Variants in ANO1 observed in about 807,000 individuals in gnomAD.
ANO1 encodes the protein anoctamin-1.
Under a neutral mutation model 124.0 loss-of-function variants are expected in ANO1, and 59 were observed. That is an observed-to-expected ratio of 0.48 (90% confidence interval 0.39 to 0.59). The LOEUF (loss-of-function observed/expected upper bound fraction) is 0.59. ANO1 is among the 20% of genes least tolerant of loss of function. The pLI is 0.00. For synonymous variants in ANO1, 529 were observed against 532.0 expected (o/e 0.99, Z 0.08); for missense variants, 1,059 against 1,328.0 (o/e 0.80, Z 3.15).
intron 1 of ANO1, among the ~76,000 whole-genome samples, chr11:70,010,141 G>A (rs1413344648): frequency 1.9e-5 from 1 of 51,368 alleles, no homozygotes; most frequent in Non-Finnish European, 4.0e-5. Context: ...CATGGTGTGT[G>A]TGTGTGTGTG....
chr11:70,009,984 C>T (rs1157920636), intron 1 of ANO1, among the ~76,000 whole-genome samples: 1 of 151,910 alleles, frequency 6.6e-6, no homozygotes, highest in African/African-American at 2.4e-5. Flanking sequence ...TTTGCATCCT[C>T]ATAGTTTAGC....
upstream of ANO1, among the ~76,000 whole-genome samples, chr11:70,074,331 C>T (rs529476844): frequency 1.3e-5 from 2 of 152,308 alleles, no homozygotes; most frequent in African/African-American, 2.4e-5. Context: ...TCAGTGCACC[C>T]GGGCTGTGTG....
chr11:70,099,705 G>C (rs2515289), intron 2 of ANO1, among the ~76,000 whole-genome samples: 1 of 151,994 alleles, frequency 6.6e-6, no homozygotes, highest in Non-Finnish European at 1.5e-5. Flanking sequence ...GTCTGTGCTT[G>C]CACAGGCAGG....
At chr11:69,971,960 C>A in the ANO1 span, among the ~76,000 whole-genome samples, 16 of 152,180 alleles carry the variant, frequency 1.1e-4, no homozygotes, top group Middle Eastern at 3.4e-3. Context: ...GTGGCTCACA[C>A]CTGTAATCTC....
At chr11:69,976,572 T>A in the ANO1 span, among the ~76,000 whole-genome samples, 1 of 119,788 alleles carries the variant, frequency 8.3e-6, no homozygotes, top group Non-Finnish European at 1.7e-5. Context: ...AGAGAGAGAT[T>A]AGGACACACA....
At chr11:70,160,545 G>T (rs1448408070) in intron 16 of ANO1, among the ~76,000 whole-genome samples, 1 of 152,182 alleles carries the variant, frequency 6.6e-6, no homozygotes, top group African/African-American at 2.4e-5. Flanking sequence ...AGCTAGAAGG[G>T]TGCTGCTGGC....
intron 22 of ANO1, among the ~76,000 whole-genome samples, chr11:70,175,822 G>A (rs550303898): frequency 6.6e-6 from 1 of 152,108 alleles, no homozygotes; most frequent in Non-Finnish European, 1.5e-5. Flanking sequence ...TAAAAATGAG[G>A]CAATTTTCCC....
At chr11:70,062,951 A>G (rs1399882937) in intron 1 of ANO1, among the ~76,000 whole-genome samples, 1 of 152,040 alleles carries the variant, frequency 6.6e-6, no homozygotes, top group Admixed American at 6.6e-5. Flanking sequence ...GTTGTTTGAG[A>G]CAGAGTCTCA....
intron 1 of ANO1, among the ~76,000 whole-genome samples, chr11:69,994,988 A>C (rs1418365293): frequency 6.6e-6 from 1 of 152,222 alleles, no homozygotes; most frequent in African/African-American, 2.4e-5. Context: ...ATTATTGCAA[A>C]GATAGTACAG....
chr11:70,138,445 G>A (rs1391528133), intron 11 of ANO1, among the ~76,000 whole-genome samples: 3 of 150,438 alleles, frequency 2.0e-5, no homozygotes, highest in African/African-American at 4.9e-5. Flanking sequence ...GGCAGAGGTC[G>A]CAGTGAGCCA....
intron 1 of ANO1, among the ~76,000 whole-genome samples, chr11:69,991,398 C>T (rs782253701): frequency 6.6e-6 from 1 of 152,128 alleles, no homozygotes; most frequent in Non-Finnish European, 1.5e-5. Flanking sequence ...ACCCCAAGCC[C>T]AGAGACAGAT....
At chr11:69,976,933 C>T in the ANO1 span, among the ~76,000 whole-genome samples, 1 of 152,178 alleles carries the variant, frequency 6.6e-6, no homozygotes, top group South Asian at 2.1e-4. Flanking sequence ...TGTTCATCCC[C>T]CCGGGAGATG....
intron 2 of ANO1, among the ~76,000 whole-genome samples, chr11:70,102,377 G>A (rs1001331060): frequency 1.3e-5 from 2 of 152,220 alleles, no homozygotes; most frequent in African/African-American, 2.4e-5. Context: ...CCAGCGCTCG[G>A]TGACTCTCTG....
chr11:70,172,132 A>AAG lies in ANO1; in HGVS notation c.2350+1094_2350+1095insGA, dbSNP rs1555052148. Among the ~76,000 whole-genome samples, 93 of 141,662 alleles carry AAG rather than the reference A, an allele frequency of 6.6e-4. 1 individual carries two copies. The highest frequency in any genetic ancestry group is 1.4e-3 in the Admixed American group (19 of 13,740). 92.9% of individuals were successfully genotyped at this position (141,662 alleles called of 152,430 possible). A position where few individuals can be genotyped will look rare whatever the true frequency, so the allele number is the denominator to read the frequency against. On this transcript the variant is annotated intron_variant, in intron 22 of 25. Transcript: ENST00000355303. ...GAGAACCTGTCTTAAAAAAAAAAAA[A>AAG]AAAAGAAAAGAAAAGAAAAGAAAAA...
intron 1 of ANO1, among the ~76,000 whole-genome samples, chr11:70,015,971 G>A (rs2134983265): frequency 6.6e-6 from 1 of 152,274 alleles, no homozygotes. Flanking sequence ...TACAGCAACA[G>A]GGGTGCAGAC....
intron 1 of ANO1, among the ~76,000 whole-genome samples, chr11:70,052,572 G>A (rs138375367): frequency 0.31 from 21,453 of 69,678 alleles, 2,295 homozygotes; most frequent in African/African-American, 0.37. Flanking sequence ...TTTTTTTTGA[G>A]ACAGGGTTTT....
intron 2 of ANO1, among the ~76,000 whole-genome samples, chr11:70,098,578 G>C (rs961457072): frequency 6.6e-6 from 1 of 152,180 alleles, no homozygotes; most frequent in African/African-American, 2.4e-5. Context: ...GGTATGAAGC[G>C]GCCTGTGAGG....
intron 25 of ANO1, 94 bp downstream of exon 25, chr11:70,185,789 C>A: frequency 7.2e-7 from 1 of 1,381,338 alleles, no homozygotes; most frequent in Admixed American, 1.9e-5. Flanking sequence ...CTGCTAAAGC[C>A]AGGGGTTCAG....
chr11:70,116,749 G>A (rs949245027), intron 8 of ANO1, among the ~76,000 whole-genome samples: 4 of 152,174 alleles, frequency 2.6e-5, no homozygotes, highest in African/African-American at 9.7e-5. Context: ...CGTGAGCATG[G>A]GAAAGGGAAA....
Sources: allele counts gnomAD v4.1 joint callset (sites outside exome capture counted in the v4.1 genomes callset), GRCh38; gene constraint gnomAD v4.1.1; transcripts MANE v1.5; gene names NCBI Gene and HGNC (gene_info 2026-07-23, HGNC 2026-07-21).